Variants in SLC43A2 observed in about 807,000 individuals in gnomAD.
SLC43A2 encodes solute carrier family 43 member 2.
Under a neutral mutation model 63.2 loss-of-function variants are expected in SLC43A2, and 38 were observed. The observed-to-expected ratio is 0.60, with a 90% CI of 0.46 to 0.79. SLC43A2 has a LOEUF of 0.79. Ranked by LOEUF, SLC43A2 falls within the 30% of genes least tolerant of loss-of-function variation. The probability of loss-of-function intolerance (pLI) is 0.00; values close to 1 mark genes in which losing one functional copy is unlikely to be tolerated. For synonymous variants in SLC43A2, 322 were observed against 331.0 expected, an observed-to-expected ratio of 0.97 and a Z score of 0.30; for missense variants, 644 against 756.2, an observed-to-expected ratio of 0.85 and a Z score of 1.74.
intron 3 of SLC43A2, 66 bp downstream of exon 3, chr17:1,616,496 C>G: frequency 1.4e-6 from 2 of 1,469,286 alleles, no homozygotes; most frequent in South Asian, 2.5e-5. Flanking sequence ...GGATACCCTT[C>G]TGTGGGGAAC....
intron 9 of SLC43A2, chr17:1,586,931 C>CCCCCCCCCCCCCCCCCCCCCCGGG: frequency 1.0e-6 from 1 of 986,030 alleles, no homozygotes; most frequent in Non-Finnish European, 1.5e-6. Flanking sequence ...CTGACAATCC[C>CCCCCCCCCCCCCCCCCCCCCCGGG]CCCCACCCCC....
rs11373484 is a variant in SLC43A2, at chr17:1,570,054, A to AT, written c.*5549dup. The stretch of plus-strand genomic sequence containing the variant: ...AGGTACCCACCACCACGCCCAGCTA[A>AT]TTTTTTTTTTTCGTATTTTTAGTAG... On this transcript the variant is annotated 3_prime_UTR_variant, in exon 14 of 14. Transcript: ENST00000301335. The AT allele has an allele frequency of 0.42, 61,862 of 146,870 alleles. 13,136 individuals are homozygous for AT. Among genetic ancestry groups the AT allele is most frequent in the African/African-American group, 0.47 (18,854 of 39,796 alleles). 9.1% of individuals were successfully genotyped at this position (146,870 alleles called of 1,614,324 possible). A position where few individuals can be genotyped will look rare whatever the true frequency, so the allele number is the denominator to read the frequency against.
chr17:1,611,318 T>C (rs1003103935), intron 5 of SLC43A2, among the ~76,000 whole-genome samples: 3 of 152,098 alleles, frequency 2.0e-5, no homozygotes, highest in Admixed American at 6.5e-5. Context: ...GCCAGGTTTT[T>C]AGTTTTCATG....
chr17:1,572,823 T>C lies in SLC43A2; in HGVS notation c.*2781A>G, dbSNP rs906031022. On this transcript the variant is annotated 3_prime_UTR_variant, in exon 14 of 14. Transcript: ENST00000301335. ...GGAGAGTGAGGCAGCACTGCCCACT[T>C]TGGCTGGGACTGGGCACTGCTGGGG... The C allele has an allele frequency of 1.3e-5, 2 of 152,230 alleles. No individual in the cohort carries two copies. Among genetic ancestry groups the C allele is most frequent in the African/African-American group, 4.8e-5 (2 of 41,436 alleles). 9.4% of individuals were successfully genotyped at this position (152,230 alleles called of 1,614,324 possible).
chr17:1,592,972 G>A (rs1227215867), intron 6 of SLC43A2, among the ~76,000 whole-genome samples: 1 of 152,180 alleles, frequency 6.6e-6, no homozygotes, highest in African/African-American at 2.4e-5. Flanking sequence ...AAAGGCACCT[G>A]CGGCAGATCC....
chr17:1,613,373 A>G, intron 4 of SLC43A2, 102 bp from the exon 5 acceptor site: 1 of 994,034 alleles, frequency 1.0e-6, no homozygotes, highest in Non-Finnish European at 1.6e-6. Context: ...CAGTAAATCC[A>G]GTAAACGCAG....
chr17:1,585,146 A>G, intron 10 of SLC43A2: 1 of 987,908 alleles, frequency 1.0e-6, no homozygotes, highest in Non-Finnish European at 1.2e-6. Flanking sequence ...CAAGGGGTGG[A>G]GGGAGGGTGG....
intron 10 of SLC43A2, among the ~76,000 whole-genome samples, chr17:1,584,126 C>G (rs2076063939): frequency 6.6e-6 from 1 of 152,100 alleles, no homozygotes; most frequent in Admixed American, 6.5e-5. Flanking sequence ...ATCTTCTGAC[C>G]TTGTGATCCA....
intron 6 of SLC43A2, 26 bp from the exon 7 acceptor site, chr17:1,591,725 G>GGC: frequency 9.2e-6 from 9 of 975,396 alleles, no homozygotes; most frequent in Non-Finnish European, 1.3e-5. Context: ...GGGACGGGGT[G>GGC]GGGGGGGGAG....
intron 2 of SLC43A2, among the ~76,000 whole-genome samples, chr17:1,624,190 A>C (rs1908439500): frequency 6.6e-6 from 1 of 152,222 alleles, no homozygotes; most frequent in Admixed American, 6.5e-5. Context: ...TAATCCCAGC[A>C]ATGTGGGAGC....
rs1419615806 is a variant in SLC43A2, at chr17:1,570,677, G to A, written c.*4927C>T. On this transcript the variant is annotated 3_prime_UTR_variant, in exon 14 of 14. Transcript: ENST00000301335. Reference sequence around the variant, plus strand: ...AATTTTTTGTATTTTTAGTAGAGACGGGGTTTCACCGTTTTAGCCGGGATG... The same window carrying A: ...AATTTTTTGTATTTTTAGTAGAGACAGGGTTTCACCGTTTTAGCCGGGATG... The A allele has an allele frequency of 2.0e-5, 3 of 150,846 alleles. 1 individual carries two copies. Among genetic ancestry groups the A allele is most frequent in the East Asian group, 2.0e-4 (1 of 5,090 alleles). The allele number at this position is 150,846 out of a possible 1,614,324, so 9.3% of individuals were successfully genotyped here.
In SLC43A2 at chr17:1,627,764, G is replaced by A. The variant is rs1318806459; in HGVS notation, c.111C>T (p.Leu37=). The stretch of plus-strand genomic sequence containing the variant: ...AAAAGCCCTCTGACTTGAGCATGAT[G>A]AGCAGCGAGCCCCAGCCCAGGAGGA... The part of the protein sequence containing the change: ...SAVLLGWGSL[L]IMLKSEGFYS... Residue 37 remains leucine (L), a synonymous_variant, in exon 2 of 14, where the codon CTC becomes CTT. Transcript: ENST00000301335. The A allele has an allele frequency of 6.3e-7, 1 of 1,595,186 alleles. No individual in the cohort carries two copies. Among genetic ancestry groups the A allele is most frequent in the Non-Finnish European group, 8.5e-7 (1 of 1,171,484 alleles).
At chr17:1,587,987 C>T (rs1307834815) in intron 9 of SLC43A2, among the ~76,000 whole-genome samples, 1 of 152,200 alleles carries the variant, frequency 6.6e-6, no homozygotes, top group Non-Finnish European at 1.5e-5. Flanking sequence ...TCAATGCCTG[C>T]TTCTTCCCAG....
chr17:1,595,051 G>C (rs904004676), intron 5 of SLC43A2, among the ~76,000 whole-genome samples: 36 of 151,888 alleles, frequency 2.4e-4, no homozygotes, highest in African/African-American at 7.7e-4. Flanking sequence ...AGAGACAAGG[G>C]GGGCAGATCA....
rs776011864 is a variant in SLC43A2 at position 1,627,690 on chromosome 17, C to T, written c.160+25G>A. 5 of 1,497,812 alleles carry T rather than the reference C, an allele frequency of 3.3e-6. No individual in the cohort carries two copies. The East Asian group carries it at 1.3e-4, about 40-fold the overall frequency. 92.8% of individuals were successfully genotyped at this position (1,497,812 alleles called of 1,614,324 possible). On this transcript the variant is annotated intron_variant, in intron 2 of 13. Transcript: ENST00000301335. ...CCAAAGCCCCAGCTCCAGGAGCCCC[C>T]CGCAACCCCAGGCGCTTGTCTCACC...
In SLC43A2 at chr17:1,576,614, G is replaced by T. The variant is rs745645770; in HGVS notation, c.1531C>A (p.Gln511Lys). 6.2e-7 allele frequency: 1 copy of T among 1,608,970 alleles called. No individual in the cohort carries two copies. The highest frequency in any genetic ancestry group is 8.5e-7 in the Non-Finnish European group (1 of 1,179,912). ...CCTCTTACCCACAGAGGGTCTCCCT[G>T]GAGAGGACCCATCATGGCCAGAAAC... Reference protein sequence around the residue: ...PLFLAMMGPLQGDPLWVNVGL... With the variant: ...PLFLAMMGPLKGDPLWVNVGL... Residue 511 changes from glutamine to lysine, a missense_variant, in exon 13 of 14, where the codon CAG (glutamine) becomes AAG (lysine). Gln to Lys is a moderately conservative substitution (Grantham distance 53). This residue lies in a region of SLC43A2 where 105 missense variants were observed against 101.7 expected (regional missense o/e 1.03). Transcript: ENST00000301335.
In SLC43A2 at chr17:1,575,390, G is replaced by A; in HGVS notation, c.*214C>T. 6.3e-6 allele frequency: 4 copies of A among 633,080 alleles called. No homozygotes were observed. The South Asian group carries it at 7.8e-5, about 12-fold the overall frequency. 39.2% of individuals were successfully genotyped at this position (633,080 alleles called of 1,614,324 possible). A position where few individuals can be genotyped will look rare whatever the true frequency, so the allele number is the denominator to read the frequency against. On this transcript the variant is annotated 3_prime_UTR_variant, in exon 14 of 14. Coordinates refer to ENST00000301335, the MANE Select transcript of SLC43A2 (RefSeq NM_152346.3). ...CGGGGGGCGGCAGAGCAAAGTCAGGGCAGCCCCTGCGTTCGGCAGGAGAAA... is the reference window on the plus strand; with the variant it reads ...CGGGGGGCGGCAGAGCAAAGTCAGGACAGCCCCTGCGTTCGGCAGGAGAAA...
At chr17:1,597,408 G>A (rs1598461963) in intron 5 of SLC43A2, among the ~76,000 whole-genome samples, 4 of 151,840 alleles carry the variant, frequency 2.6e-5, no homozygotes, top group Admixed American at 2.6e-4. Context: ...GGGAGGCTGA[G>A]GCAGGAGAAT....
intron 9 of SLC43A2, among the ~76,000 whole-genome samples, chr17:1,590,315 C>T (rs1331145736): frequency 1.6e-4 from 24 of 151,376 alleles, no homozygotes; most frequent in Non-Finnish European, 1.0e-4. Context: ...GAAGTCTCTG[C>T]CCTGCCCTGT....
Sources: allele counts gnomAD v4.1 joint callset (sites outside exome capture counted in the v4.1 genomes callset), GRCh38; gene constraint gnomAD v4.1.1; regional missense constraint gnomAD v4.1.1; transcripts MANE v1.5; gene names NCBI Gene and HGNC (gene_info 2026-07-23, HGNC 2026-07-21).